The following RTN4RL2 variants were observed in gnomAD, a reference collection of about 807,000 sequenced individuals.
RTN4RL2 encodes reticulon 4 receptor like 2.
RTN4RL2 carries 9 observed loss-of-function variants against 27.8 expected under a neutral mutation model. That is an observed-to-expected ratio of 0.32 (90% CI 0.20 to 0.57). The LOEUF is 0.57. RTN4RL2 is among the 20% of genes least tolerant of loss of function. RTN4RL2 has a pLI of 0.90. For missense variants in RTN4RL2, 436 were observed against 596.8 expected, an observed-to-expected ratio of 0.73 and a Z score of 2.81; for synonymous variants, 285 against 297.9, an observed-to-expected ratio of 0.96 and a Z score of 0.45.
intron 2 of RTN4RL2, chr11:57,468,817 T>C: frequency 7.7e-7 from 1 of 1,300,380 alleles, no homozygotes; most frequent in Non-Finnish European, 1.1e-6. Context: ...GGAGAATGGA[T>C]GCTCTGAAAA....
chr11:57,468,557 C>G (rs1051808928), intron 2 of RTN4RL2: 3 of 1,536,612 alleles, frequency 2.0e-6, no homozygotes, highest in Non-Finnish European at 2.6e-6. Flanking sequence ...TCTGCCTTCC[C>G]CCAGGGTCCC....
chr11:57,468,580 C>T lies in RTN4RL2; in HGVS notation c.513+490C>T, dbSNP rs576346986. The stretch of plus-strand genomic sequence containing the variant: ...CCCCCAGGGTCCCCTGCCCAAAGGC[C>T]TTTGCAGCTGTTTTTCTCACCCACC... On this transcript the variant is annotated intron_variant, in intron 2 of 2. Transcript: ENST00000335099. The T allele has an allele frequency of 1.1e-4, 174 of 1,536,760 alleles. 2 individuals carry two copies. The South Asian group carries it at 1.9e-3, about 17-fold the overall frequency.
chr11:57,468,819 C>A, intron 2 of RTN4RL2: 1 of 1,265,404 alleles, frequency 7.9e-7, no homozygotes, highest in Middle Eastern at 1.8e-4. Flanking sequence ...AGAATGGATG[C>A]TCTGAAAATG....
intron 1 of RTN4RL2, among the ~76,000 whole-genome samples, chr11:57,466,285 G>A (rs1482859011): frequency 1.3e-5 from 2 of 152,008 alleles, no homozygotes; most frequent in African/African-American, 2.4e-5. Context: ...GATTACAGGC[G>A]TGAGCCACCG....
chr11:57,466,800 C>G (rs997229192), intron 1 of RTN4RL2, among the ~76,000 whole-genome samples: 1 of 152,202 alleles, frequency 6.6e-6, no homozygotes, highest in Non-Finnish European at 1.5e-5. Context: ...CTTTGCCCCC[C>G]AGGGGACATT....
intron 2 of RTN4RL2, among the ~76,000 whole-genome samples, chr11:57,470,654 T>A (rs1464152485): frequency 7.3e-6 from 1 of 136,406 alleles, no homozygotes; most frequent in Non-Finnish European, 1.5e-5. Context: ...TAATAATAAT[T>A]ACTACTACTA....
At chr11:57,468,719 GC>G in intron 2 of RTN4RL2, 2 of 1,536,096 alleles carry the variant, frequency 1.3e-6, no homozygotes, top group Middle Eastern at 1.7e-4. Context: ...GACGGGAGAA[GC>G]CCACACCCCT....
chr11:57,475,659 A>T (rs1043097246), intron 2 of RTN4RL2, among the ~76,000 whole-genome samples: 1 of 152,226 alleles, frequency 6.6e-6, no homozygotes, highest in African/African-American at 2.4e-5. Flanking sequence ...CATTATACAG[A>T]TGAGGAAACT....
rs113493695 is a variant in RTN4RL2 at position 57,460,671 on chromosome 11, G to A, written c.-195G>A. ...GCCCCGTCGCGCCCCGCCCCGTCCC[G>A]TCGGGGCCGATGGCTCCTCCCGAGG... On this transcript the variant is annotated 5_prime_UTR_variant, in exon 1 of 3. Coordinates refer to ENST00000335099, the MANE Select transcript of RTN4RL2 (RefSeq NM_178570.3). 17 of 265,944 alleles carry A rather than the reference G, an allele frequency of 6.4e-5. No individual in the cohort carries two copies. Among genetic ancestry groups the A allele is most frequent in the African/African-American group, 3.9e-4 (17 of 44,090 alleles). 16.5% of individuals were successfully genotyped at this position (265,944 alleles called of 1,614,324 possible).
chr11:57,476,608 C>T lies in RTN4RL2; in HGVS notation c.960C>T (p.Ser320=), dbSNP rs1943598053. 4 of 1,404,626 alleles carry T rather than the reference C, an allele frequency of 2.8e-6. No individual in the cohort carries two copies. Among genetic ancestry groups the T allele is most frequent in the Admixed American group, 3.4e-5 (1 of 29,582 alleles). The allele number at this position is 1,404,626 out of a possible 1,614,324, so 87.0% of individuals were successfully genotyped here. The change falls in exon 3 of 3, where the codon AGC becomes AGT. Residue 320 remains serine, a synonymous_variant. Coordinates refer to ENST00000335099, the MANE Select transcript of RTN4RL2 (RefSeq NM_178570.3). This position sits in a 1 kb window ranked among gnomAD's most constrained non-coding sequence, Gnocchi z 8.2. ...CPPAAPTRPG[S]RARGNSSSNH... ...CCGCGGCACCCACGCGGCCGGGCAG[C>T]CGCGCCCGCGGCAACAGCTCCTCCA...
intron 2 of RTN4RL2, chr11:57,468,861 A>T: frequency 1.1e-6 from 1 of 907,574 alleles, no homozygotes. Flanking sequence ...ATTCATTGTT[A>T]TTATTATTGA....
chr11:57,466,206 C>G (rs1324332234), intron 1 of RTN4RL2, among the ~76,000 whole-genome samples: 1 of 151,896 alleles, frequency 6.6e-6, no homozygotes, highest in Non-Finnish European at 1.5e-5. Flanking sequence ...GGGGTTTCAC[C>G]GTGTTAGCCA....
intron 1 of RTN4RL2, among the ~76,000 whole-genome samples, chr11:57,466,925 C>T (rs1943529783): frequency 6.6e-6 from 1 of 152,178 alleles, no homozygotes; most frequent in South Asian, 2.1e-4. Context: ...GCCCCCACAA[C>T]GAGGAACTAT....
chr11:57,465,591 G>A (rs1292539546), intron 1 of RTN4RL2, among the ~76,000 whole-genome samples: 1 of 152,104 alleles, frequency 6.6e-6, no homozygotes, highest in Non-Finnish European at 1.5e-5. Flanking sequence ...TTTTCCCCAG[G>A]CAAAACTGCC....
chr11:57,461,088 G>A (rs1231959159), intron 1 of RTN4RL2, among the ~76,000 whole-genome samples, 192 bp downstream of exon 1: 1 of 152,156 alleles, frequency 6.6e-6, no homozygotes, highest in Non-Finnish European at 1.5e-5. Context: ...GGGAGCCCGC[G>A]GGCGCGTGCG....
intron 1 of RTN4RL2, among the ~76,000 whole-genome samples, chr11:57,464,925 T>TGGTGTGAAC (rs1943510553): frequency 6.6e-6 from 1 of 151,926 alleles, no homozygotes; most frequent in South Asian, 2.1e-4. Context: ...AACGCGGAGG[T>TGGTGTGAAC]GGTGTGAACG....
intron 2 of RTN4RL2, among the ~76,000 whole-genome samples, chr11:57,473,263 C>G (rs1287782492): frequency 6.6e-6 from 1 of 152,176 alleles, no homozygotes; most frequent in Admixed American, 6.5e-5. Flanking sequence ...CAGATGGGAT[C>G]TTAAAGATCA....
rs758952377 is a variant in RTN4RL2, at chr11:57,476,833, C to T, written c.1185C>T (p.Asp395=). The change falls in exon 3 of 3, where the codon GAC becomes GAT. Residue 395 remains aspartate, a synonymous_variant. Coordinates refer to ENST00000335099, the MANE Select transcript of RTN4RL2 (RefSeq NM_178570.3). This position sits in a 1 kb window ranked among gnomAD's most constrained non-coding sequence, Gnocchi z 8.2. ...CPGAACQAPP[D]SRGPALSAGL... is the part of the protein sequence containing the mutation. ...GCGCTGCCTGCCAGGCGCCCCCGGA[C>T]TCCCGAGGCCCTGCGCTCTCGGCCG... 3.2e-6 allele frequency: 5 copies of T among 1,560,790 alleles called. No individual in the cohort carries two copies. Among genetic ancestry groups the T allele is most frequent in the East Asian group, 2.6e-5 (1 of 39,056 alleles).
intron 2 of RTN4RL2, among the ~76,000 whole-genome samples, chr11:57,473,981 C>T (rs1180626390): frequency 6.6e-6 from 1 of 152,086 alleles, no homozygotes; most frequent in Non-Finnish European, 1.5e-5. Flanking sequence ...CCCCCGGCCC[C>T]TTATCGATCC....
Sources: gnomAD v4.1 joint callset for allele counts (sites outside exome capture counted in the v4.1 genomes callset) on GRCh38, gnomAD v4.1.1 for gene constraint, Gnocchi (gnomAD v3.1) non-coding constraint, MANE v1.5 for transcripts, NCBI Gene and HGNC (gene_info 2026-07-23, HGNC 2026-07-21) for gene names.